PTPRG: variants seen among roughly 807,000 people sequenced by gnomAD.
The protein encoded by PTPRG is protein tyrosine phosphatase receptor type G.
A neutral mutation model predicts 165.3 loss-of-function variants in PTPRG; 102 were observed. That is an observed-to-expected ratio of 0.62 (90% CI 0.53 to 0.73). The LOEUF (loss-of-function observed/expected upper bound fraction) is 0.73. Ranked by LOEUF, PTPRG falls within the 30% of genes least tolerant of loss-of-function variation. The probability of loss-of-function intolerance (pLI) is 0.00; values close to 1 mark genes in which losing one functional copy is unlikely to be tolerated. For missense variants in PTPRG, 1,866 were observed against 1,861.4 expected, an observed-to-expected ratio of 1.00 and a Z score of -0.05; for synonymous variants, 675 against 669.5, an observed-to-expected ratio of 1.01 and a Z score of -0.13.
In PTPRG at chr3:62,273,290, T is replaced by C. The variant is rs1386769221; in HGVS notation, c.3318+209T>C. Among the ~76,000 whole-genome samples the C allele has an allele frequency of 6.6e-6, 1 of 152,204 alleles. No individual in the cohort carries two copies. Among genetic ancestry groups the C allele is most frequent in the East Asian group, 1.9e-4 (1 of 5,194 alleles). ...CTTAACATTTGGATTCCTAAATAACTACACAAGTACTTACGAAAGAGATAC... is the reference window on the plus strand; with the variant it reads ...CTTAACATTTGGATTCCTAAATAACCACACAAGTACTTACGAAAGAGATAC... On this transcript the variant is annotated intron_variant, in intron 22 of 29. Coordinates refer to ENST00000474889, the MANE Select transcript of PTPRG (RefSeq NM_002841.4). The surrounding 1 kb of genome is among the most constrained non-coding windows in gnomAD (Gnocchi z 4.1).
At chr3:61,758,596 C>T (rs1022990890) in intron 2 of PTPRG, among the ~76,000 whole-genome samples, 2 of 152,082 alleles carry the variant, frequency 1.3e-5, no homozygotes, top group Admixed American at 1.3e-4. Context: ...GGACTACAGG[C>T]GTGCACCACC....
chr3:62,083,404 C>T (rs1232923615), intron 5 of PTPRG, among the ~76,000 whole-genome samples: 1 of 152,000 alleles, frequency 6.6e-6, no homozygotes, highest in Non-Finnish European at 1.5e-5. Flanking sequence ...CCCGGCTTTG[C>T]CATTACTTTT....
chr3:61,847,223 T>A (rs535040119), intron 2 of PTPRG, among the ~76,000 whole-genome samples: 15 of 151,966 alleles, frequency 9.9e-5, no homozygotes, highest in African/African-American at 3.4e-4. Flanking sequence ...AAATGGGAAA[T>A]TTGGATGGAG....
chr3:62,252,924 G>A lies in PTPRG; in HGVS notation c.2468-2200G>A, dbSNP rs752215670. Among the ~76,000 whole-genome samples the A allele has an allele frequency of 4.6e-5, 7 of 152,104 alleles. No homozygotes were observed. Among genetic ancestry groups the A allele is most frequent in the Non-Finnish European group, 7.4e-5 (5 of 68,024 alleles). ...GGAAACCCAGAGGGTGTGGTTAGGC[G>A]TCCTTGGATAAAGATGCAAATTGGA... is the stretch of plus-strand genomic sequence containing the variant. On this transcript the variant is annotated intron_variant, in intron 15 of 29. Coordinates refer to ENST00000474889, the MANE Select transcript of PTPRG (RefSeq NM_002841.4). The surrounding 1 kb of genome is among the most constrained non-coding windows in gnomAD (Gnocchi z 4.6).
chr3:62,037,789 C>T (rs1197175517), intron 4 of PTPRG, among the ~76,000 whole-genome samples: 3 of 152,142 alleles, frequency 2.0e-5, no homozygotes, highest in African/African-American at 7.2e-5. Context: ...CATTAGGTCT[C>T]GCCTCTTATT....
intron 5 of PTPRG, among the ~76,000 whole-genome samples, chr3:62,122,500 A>G (rs1275267573): frequency 1.3e-5 from 2 of 152,198 alleles, no homozygotes; most frequent in Admixed American, 6.5e-5. Flanking sequence ...AAGCTTTAGG[A>G]TATGTAATTA....
At chr3:62,225,662 T>G (rs947685196) in intron 13 of PTPRG, among the ~76,000 whole-genome samples, 3 of 151,888 alleles carry the variant, frequency 2.0e-5, no homozygotes, top group African/African-American at 7.3e-5. Flanking sequence ...AAAACCTTTT[T>G]TTTTTTTTTT....
At chr3:61,792,667 GTTTTCTTTCTTT>G (rs1161701362) in intron 2 of PTPRG, among the ~76,000 whole-genome samples, 2 of 146,812 alleles carry the variant, frequency 1.4e-5, no homozygotes, top group Non-Finnish European at 3.0e-5. Context: ...TTTTTTGTGG[GTTTTCTTTCTTT>G]CTTTCTTTCT....
At chr3:61,633,337 G>T (rs189790133) in intron 1 of PTPRG, among the ~76,000 whole-genome samples, 7 of 152,012 alleles carry the variant, frequency 4.6e-5, no homozygotes, top group African/African-American at 1.5e-4. Flanking sequence ...AAAGGAACCT[G>T]TAGTAGCTTA....
rs116751328 is a variant in PTPRG, at chr3:61,615,111, G to A, written c.85+52739G>A. On this transcript the variant is annotated intron_variant, in intron 1 of 29. Transcript: ENST00000474889. ...CCCTGTCCCCTCTGGACACTTGAAT[G>A]TGTATTTCCTACAAACAAGAACAGT... Among the ~76,000 whole-genome samples the A allele has an allele frequency of 4.5e-3, 682 of 152,350 alleles. 1 individual carries two copies. The highest frequency in any genetic ancestry group is 6.5e-3 in the Non-Finnish European group (441 of 68,026).
chr3:62,008,720 C>T (rs1323485665), intron 4 of PTPRG, among the ~76,000 whole-genome samples: 1 of 152,186 alleles, frequency 6.6e-6, no homozygotes, highest in African/African-American at 2.4e-5. Flanking sequence ...ACTGTTCCAC[C>T]TCAGATCATC....
At chr3:61,843,430 T>C (rs1403053563) in intron 2 of PTPRG, among the ~76,000 whole-genome samples, 1 of 152,082 alleles carries the variant, frequency 6.6e-6, no homozygotes, top group Non-Finnish European at 1.5e-5. Flanking sequence ...AAATAAGAGA[T>C]ATAAATGAAT....
intron 2 of PTPRG, among the ~76,000 whole-genome samples, chr3:61,949,986 T>G (rs1046039752): frequency 1.3e-4 from 20 of 152,188 alleles, no homozygotes; most frequent in African/African-American, 4.8e-4. Context: ...GACCTCATGA[T>G]CCGCCTGCCT....
intron 1 of PTPRG, chr3:61,659,325 T>C: frequency 4.1e-6 from 4 of 985,372 alleles, no homozygotes; most frequent in Non-Finnish European, 4.8e-6. Context: ...ACAGTGCTGC[T>C]CAGTTGAGGA....
At chr3:62,044,454 A>G (rs1227094903) in intron 4 of PTPRG, among the ~76,000 whole-genome samples, 3 of 152,042 alleles carry the variant, frequency 2.0e-5, no homozygotes, top group African/African-American at 7.2e-5. Flanking sequence ...CAGGAGAATC[A>G]CTTGAACCCA....
chr3:61,699,285 A>T (rs945105596), intron 1 of PTPRG, among the ~76,000 whole-genome samples: 2 of 152,216 alleles, frequency 1.3e-5, no homozygotes, highest in Non-Finnish European at 2.9e-5. Flanking sequence ...GAAGAGTGGC[A>T]TTGCTTTATA....
chr3:61,977,070 T>G (rs1299606287), intron 2 of PTPRG, among the ~76,000 whole-genome samples: 2 of 152,162 alleles, frequency 1.3e-5, no homozygotes, highest in African/African-American at 4.8e-5. Flanking sequence ...TTCAGACATT[T>G]TCTCTTTAAT....
intron 16 of PTPRG, 105 bp from the exon 17 acceptor site, chr3:62,262,693 C>T (rs934408711): frequency 1.0e-4 from 61 of 598,750 alleles, no homozygotes; most frequent in African/African-American, 9.7e-5. Flanking sequence ...GAGAAGGTAA[C>T]GGTGGCTGTG....
At chr3:61,716,263 A>G (rs1194103347) in intron 1 of PTPRG, among the ~76,000 whole-genome samples, 1 of 152,132 alleles carries the variant, frequency 6.6e-6, no homozygotes, top group Non-Finnish European at 1.5e-5. Flanking sequence ...TTTTGTGGTA[A>G]TTTAATGTAT....
Sources: allele counts gnomAD v4.1 joint callset (sites outside exome capture counted in the v4.1 genomes callset), GRCh38; gene constraint gnomAD v4.1.1; non-coding constraint Gnocchi (gnomAD v3.1); transcripts MANE v1.5; gene names NCBI Gene and HGNC (gene_info 2026-07-23, HGNC 2026-07-21).